Variants in CPA6 observed in about 807,000 individuals in gnomAD.
CPA6 encodes carboxypeptidase B.
Under a neutral mutation model 63.3 loss-of-function variants are expected in CPA6, and 58 were observed. The observed-to-expected ratio is 0.92, with a 90% CI of 0.74 to 1.14. CPA6 has a LOEUF of 1.14. Among genes scored for constraint, CPA6 ranks in the 50% most tolerant of loss-of-function variants. CPA6 has a pLI of 0.00. For synonymous variants in CPA6, 185 were observed against 179.0 expected, an observed-to-expected ratio of 1.03 and a Z score of -0.27; for missense variants, 565 against 526.6, an observed-to-expected ratio of 1.07 and a Z score of -0.71.
chr8:67,687,101 T>TAC, intron 1 of CPA6, among the ~76,000 whole-genome samples: 1 of 151,962 alleles, frequency 6.6e-6, no homozygotes, highest in Admixed American at 6.5e-5. Context: ...ACTCCAGTGA[T>TAC]GTTAGCATTT....
At chr8:67,737,248 T>G (rs1445985608) in intron 1 of CPA6, among the ~76,000 whole-genome samples, 2 of 152,114 alleles carry the variant, frequency 1.3e-5, no homozygotes, top group African/African-American at 4.8e-5. Context: ...CCATACTCAA[T>G]TGCCCTGATT....
chr8:67,725,908 AT>A (rs1472120447), intron 1 of CPA6, among the ~76,000 whole-genome samples: 1 of 152,232 alleles, frequency 6.6e-6, no homozygotes, highest in Non-Finnish European at 1.5e-5. Context: ...AATTTTAGAT[AT>A]GTATGCTACT....
chr8:67,673,389 T>TTTA lies in CPA6; in HGVS notation c.117-49139_117-49138insTAA, dbSNP rs1554532411. 7.4e-3 allele frequency among the ~76,000 whole-genome samples: 978 copies of TTTA among 132,724 alleles called. 6 individuals carry two copies. The highest frequency in any genetic ancestry group is 0.028 in the Middle Eastern group (7 of 250). The allele number at this position is 132,724 out of a possible 152,430, so 87.1% of individuals were successfully genotyped here. A position where few individuals can be genotyped will look rare whatever the true frequency, so the allele number is the denominator to read the frequency against. ...TATTATTATTATTATTATTTATTTA[T>TTTA]TTTTTTTTTTTTGAGACTGAATCTC... On this transcript the variant is annotated intron_variant, in intron 1 of 10. Transcript: ENST00000297770.
chr8:67,567,175 G>A (rs1813358338), intron 2 of CPA6, among the ~76,000 whole-genome samples: 1 of 152,150 alleles, frequency 6.6e-6, no homozygotes, highest in Non-Finnish European at 1.5e-5. Flanking sequence ...TCAGACAATA[G>A]GGTCAAGAGA....
chr8:67,583,596 C>T (rs1813835154), intron 2 of CPA6, among the ~76,000 whole-genome samples: 1 of 152,046 alleles, frequency 6.6e-6, no homozygotes, highest in Admixed American at 6.6e-5. Flanking sequence ...AGTTCCATTG[C>T]TAGTGAGAAA....
At chr8:67,482,598 G>C (rs1261010751) in intron 8 of CPA6, among the ~76,000 whole-genome samples, 1 of 152,166 alleles carries the variant, frequency 6.6e-6, no homozygotes, top group Non-Finnish European at 1.5e-5. Context: ...GAGGCTTAGA[G>C]GTGAACTGAC....
At chr8:67,574,325 G>A (rs184598239) in intron 2 of CPA6, among the ~76,000 whole-genome samples, 2,867 of 149,100 alleles carry the variant, frequency 0.019, 98 homozygotes, top group African/African-American at 0.065. Flanking sequence ...GCAGTGAGCT[G>A]AGATCATGCC....
chr8:67,661,421 C>T (rs767842223), intron 1 of CPA6, among the ~76,000 whole-genome samples: 35 of 152,132 alleles, frequency 2.3e-4, no homozygotes, highest in Non-Finnish European at 3.5e-4. Context: ...CCGAGGAAGC[C>T]GCTGTGTGAT....
chr8:67,447,506 T>TACACACAC (rs56840320), intron 8 of CPA6, among the ~76,000 whole-genome samples: 324 of 142,654 alleles, frequency 2.3e-3, no homozygotes, highest in Non-Finnish European at 3.8e-3. Flanking sequence ...TATGTGTGTA[T>TACACACAC]ACACACACAC....
intron 8 of CPA6, among the ~76,000 whole-genome samples, chr8:67,452,958 G>A (rs1358319174): frequency 6.6e-6 from 1 of 152,182 alleles, no homozygotes; most frequent in Non-Finnish European, 1.5e-5. Context: ...GAGATCAATC[G>A]ATGGGGGACC....
At chr8:67,500,732 T>C (rs1811814665) in intron 6 of CPA6, among the ~76,000 whole-genome samples, 1 of 151,904 alleles carries the variant, frequency 6.6e-6, no homozygotes, top group African/African-American at 2.4e-5. Flanking sequence ...GGTATGAGAC[T>C]TAGACTCATA....
chr8:67,670,944 T>C (rs545661460), intron 1 of CPA6, among the ~76,000 whole-genome samples: 9 of 152,378 alleles, frequency 5.9e-5, no homozygotes, highest in Admixed American at 2.0e-4. Context: ...TTCTGAGTGT[T>C]AATAATTCAT....
At chr8:67,727,750 T>C (rs1817625267) in intron 1 of CPA6, among the ~76,000 whole-genome samples, 1 of 152,218 alleles carries the variant, frequency 6.6e-6, no homozygotes, top group Non-Finnish European at 1.5e-5. Context: ...GTCCACAAAC[T>C]ATTCTCTGTT....
intron 6 of CPA6, among the ~76,000 whole-genome samples, chr8:67,501,199 A>G (rs571348788): frequency 6.6e-5 from 10 of 152,218 alleles, no homozygotes; most frequent in African/African-American, 2.4e-4. Flanking sequence ...CAATCCATGA[A>G]TGTGGTATGT....
rs146673015 is a variant in CPA6, at chr8:67,509,603, G to C, written c.448C>G (p.His150Asp). Reference protein sequence around the residue: ...HSLEEIQNWMHHLNKTHSGLI... With the variant: ...HSLEEIQNWMDHLNKTHSGLI... Reference sequence around the variant, plus strand: ...CCTGAGTGAGTTTTATTCAGATGATGCATCCAATTTTGAATCTAAGAGCAA... The same window carrying C: ...CCTGAGTGAGTTTTATTCAGATGATCCATCCAATTTTGAATCTAAGAGCAA... Residue 150 changes from histidine to aspartate, a missense_variant, in exon 5 of 11, where the codon CAT becomes GAT. Transcript: ENST00000297770. 3.8e-6 allele frequency: 6 copies of C among 1,578,478 alleles called. No individual in the cohort carries two copies. The highest frequency in any genetic ancestry group is 1.7e-4 in the Middle Eastern group (1 of 5,978).
chr8:67,652,656 T>C (rs1457354866), intron 1 of CPA6, among the ~76,000 whole-genome samples: 1 of 149,954 alleles, frequency 6.7e-6, no homozygotes, highest in African/African-American at 2.4e-5. Flanking sequence ...GTCAGATGAG[T>C]AGGTTGCGAA....
chr8:67,585,815 T>C lies in CPA6; in HGVS notation c.192+38361A>G, dbSNP rs1289441192. 2.0e-5 allele frequency among the ~76,000 whole-genome samples: 3 copies of C among 151,970 alleles called. No homozygotes were observed. The East Asian group carries it at 5.8e-4, about 29-fold the overall frequency. On this transcript the variant is annotated intron_variant, in intron 2 of 10. Coordinates refer to ENST00000297770, the MANE Select transcript of CPA6 (RefSeq NM_020361.5). ...TAATAGTGATATTTGACGAGGAGAG[T>C]GAGGCCATAGTCACAAAGAGTTCTT...
intron 1 of CPA6, among the ~76,000 whole-genome samples, chr8:67,690,345 G>C (rs1816791297): frequency 6.6e-6 from 1 of 152,072 alleles, no homozygotes; most frequent in Non-Finnish European, 1.5e-5. Context: ...AAATAATTTA[G>C]AGTTAATGAA....
intron 1 of CPA6, among the ~76,000 whole-genome samples, chr8:67,731,888 T>C (rs552933354): frequency 8.3e-4 from 127 of 152,332 alleles, no homozygotes; most frequent in African/African-American, 2.8e-3. Context: ...AAATGAATGA[T>C]TGAGGAGTGA....
Sources: gnomAD v4.1 joint callset for allele counts (sites outside exome capture counted in the v4.1 genomes callset) on GRCh38, gnomAD v4.1.1 for gene constraint, MANE v1.5 for transcripts, NCBI Gene and HGNC (gene_info 2026-07-23, HGNC 2026-07-21) for gene names.